NF1: variants seen among roughly 807,000 people sequenced by gnomAD.
NF1 encodes neurofibromin.
Under a neutral mutation model 325.7 loss-of-function variants are expected in NF1, and 122 were observed. That is an observed-to-expected ratio of 0.37 (90% CI 0.32 to 0.44). The LOEUF is 0.44. Ranked by LOEUF, NF1 falls within the 20% of genes least tolerant of loss-of-function variation. The pLI is 1.00. For synonymous variants in NF1, 1,091 were observed against 1,186.0 expected, an observed-to-expected ratio of 0.92 and a Z score of 1.65; for missense variants, 2,140 against 3,415.4, an observed-to-expected ratio of 0.63 and a Z score of 9.31.
At chr17:31,249,812 G>A (rs769405288) in intron 30 of NF1, 1 of 361,954 alleles carries the variant, frequency 2.8e-6, no homozygotes, top group East Asian at 6.1e-5. Context: ...TTATTCCAAG[G>A]GAGGTCCTGC....
At chr17:31,258,652 A>G (rs2067627754) in intron 32 of NF1, 150 bp downstream of exon 32, 1 of 851,454 alleles carries the variant, frequency 1.2e-6, no homozygotes, top group Non-Finnish European at 1.8e-6. Flanking sequence ...ATTACAAAGG[A>G]ATTCATTAGT....
chr17:31,214,853 A>G (rs2066793021), intron 13 of NF1, among the ~76,000 whole-genome samples: 2 of 152,092 alleles, frequency 1.3e-5, no homozygotes, highest in South Asian at 4.1e-4. Context: ...CTTTGATGAG[A>G]TCTCTGTTCT....
intron 4 of NF1, among the ~76,000 whole-genome samples, chr17:31,164,720 A>G (rs374403012): frequency 1.3e-5 from 2 of 152,180 alleles, no homozygotes; most frequent in Non-Finnish European, 2.9e-5. Context: ...GAGTCCTGCA[A>G]TCTTTTTAAT....
At chr17:31,121,088 AT>A (rs750534365) in intron 1 of NF1, among the ~76,000 whole-genome samples, 5 of 152,218 alleles carry the variant, frequency 3.3e-5, no homozygotes, top group Non-Finnish European at 7.3e-5. Context: ...GCGTAATTCA[AT>A]TTCTCTATAA....
chr17:31,163,058 A>T (rs1177220518), intron 3 of NF1, 128 bp from the exon 4 acceptor site: 1 of 793,948 alleles, frequency 1.3e-6, no homozygotes, highest in Non-Finnish European at 2.1e-6. Context: ...AACAGTTGTT[A>T]AATCTAGGTG....
At chr17:31,353,499 C>T (rs114974897) in intron 51 of NF1, among the ~76,000 whole-genome samples, 1,992 of 152,160 alleles carry the variant, frequency 0.013, 50 homozygotes, top group African/African-American at 0.045. Context: ...GGCATGGTGA[C>T]GAGCACCTCT....
chr17:31,356,285 C>A, intron 51 of NF1, 175 bp from the exon 52 acceptor site: 1 of 596,232 alleles, frequency 1.7e-6, no homozygotes, highest in Non-Finnish European at 2.9e-6. Context: ...GGAACAAAAC[C>A]CTTTGAGAAG....
At chr17:31,221,298 G>A (rs2066917120) in intron 14 of NF1, among the ~76,000 whole-genome samples, 1 of 151,972 alleles carries the variant, frequency 6.6e-6, no homozygotes, top group East Asian at 1.9e-4. Flanking sequence ...TCAGTTCTGT[G>A]GTCAATTGAA....
In NF1 at chr17:31,225,259, CTTCTGTACTTT is replaced by C; in HGVS notation, c.2001+17_2001+27del. Reference sequence around the variant, plus strand: ...AAGGGAACTCCTCTATGGTCAGCTTCTTCTGTACTTTTTCTGTATCATTTTATGTGCTCTGT... The same window carrying C: ...AAGGGAACTCCTCTATGGTCAGCTTCTTCTGTATCATTTTATGTGCTCTGT... On this transcript the variant is annotated intron_variant, in intron 17 of 57. Coordinates refer to ENST00000358273, the MANE Select transcript of NF1 (RefSeq NM_001042492.3). 2 of 1,613,036 alleles carry C rather than the reference CTTCTGTACTTT, an allele frequency of 1.2e-6. No homozygotes were observed. Among genetic ancestry groups the C allele is most frequent in the Non-Finnish European group, 1.7e-6 (2 of 1,179,240 alleles).
intron 36 of NF1, among the ~76,000 whole-genome samples, chr17:31,311,079 G>A (rs1458047515): frequency 6.6e-6 from 1 of 151,030 alleles, no homozygotes; most frequent in Non-Finnish European, 1.5e-5. Context: ...CTTCCCTAAA[G>A]AAGTTAGAAA....
At chr17:31,175,939 T>C (rs926469357) in intron 5 of NF1, among the ~76,000 whole-genome samples, 1 of 152,246 alleles carries the variant, frequency 6.6e-6, no homozygotes, top group South Asian at 2.1e-4. Context: ...GCATTTGGAT[T>C]GGTTCCAAGT....
At chr17:31,348,722 T>G (rs147409300) in intron 48 of NF1, among the ~76,000 whole-genome samples, 239 of 112,840 alleles carry the variant, frequency 2.1e-3, no homozygotes, top group African/African-American at 6.1e-3. Flanking sequence ...GGGACATCTT[T>G]TCTTAAAAAA....
At chr17:31,138,461 A>T (rs1915948125) in intron 1 of NF1, 1 of 151,988 alleles carries the variant, frequency 6.6e-6, no homozygotes, top group South Asian at 2.1e-4. Flanking sequence ...ACAAAGTTTC[A>T]CTATGTTGGC....
chr17:31,171,621 T>C (rs1448009419), intron 5 of NF1, among the ~76,000 whole-genome samples: 1 of 152,208 alleles, frequency 6.6e-6, no homozygotes, highest in Non-Finnish European at 1.5e-5. Context: ...AACTTTCCCA[T>C]CGAATGCGGC....
At chr17:31,335,296 A>ATATATATATATATATATATGTAT (rs1440930498) in intron 40 of NF1, among the ~76,000 whole-genome samples, 1 of 50,100 alleles carries the variant, frequency 2.0e-5, no homozygotes, top group Non-Finnish European at 3.2e-5. Flanking sequence ...ATATATATAT[A>ATATATATATATATATATATGTAT]ATTATGCCTT....
At position 31,260,447 on chromosome 17, in the gene NF1, T is replaced by G; in HGVS notation, c.4509T>G (p.Asn1503Lys). 1 of 1,614,072 alleles carries G rather than the reference T, an allele frequency of 6.2e-7. No homozygotes were observed. Among genetic ancestry groups the G allele is most frequent in the Non-Finnish European group, 8.5e-7 (1 of 1,179,970 alleles). ...NHSLSFISDG[N>K]VLALHRLLWN... ...GTCTTTCCTTCATAAGTGACGGCAA[T>G]GTGCTTGCTTTACATCGTCTACTCT... is the stretch of plus-strand genomic sequence containing the variant. The change falls in exon 34 of 58, where the codon AAT becomes AAG. Residue 1503 changes from asparagine to lysine, a missense_variant. Physicochemically the swap from Asn to Lys is moderately conservative, Grantham distance 94. This residue lies in a region of NF1 where 336 missense variants were observed against 399.0 expected (regional missense o/e 0.84). Coordinates refer to ENST00000358273, the MANE Select transcript of NF1 (RefSeq NM_001042492.3).
intron 38 of NF1, among the ~76,000 whole-genome samples, chr17:31,329,005 A>G (rs1401303591): frequency 6.6e-6 from 1 of 152,150 alleles, no homozygotes; most frequent in Non-Finnish European, 1.5e-5. Context: ...ATTCCTGGGA[A>G]TTAGTAAAAG....
chr17:31,130,049 TG>T (rs1459300279), intron 1 of NF1, among the ~76,000 whole-genome samples: 2 of 151,966 alleles, frequency 1.3e-5, no homozygotes, highest in African/African-American at 4.8e-5. Context: ...TGTGGGCTGA[TG>T]TTCCTTCAGT....
rs2151555872 is a variant in NF1 at position 31,337,350 on chromosome 17, T to C, written c.6428-18T>C. 6.3e-7 allele frequency: 1 copy of C among 1,575,862 alleles called. No individual in the cohort carries two copies. The highest frequency in any genetic ancestry group is 8.7e-7 in the Non-Finnish European group (1 of 1,145,750). ...AGTAATATTTTCTGTCTTTACTTGT[T>C]CCTTTATTCTCTTACAGAAGAGACC... On this transcript the variant is annotated intron_variant, in intron 42 of 57. Coordinates refer to ENST00000358273, the MANE Select transcript of NF1 (RefSeq NM_001042492.3).
Sources: allele counts gnomAD v4.1 joint callset (sites outside exome capture counted in the v4.1 genomes callset), GRCh38; gene constraint gnomAD v4.1.1; regional missense constraint gnomAD v4.1.1; transcripts MANE v1.5; gene names NCBI Gene and HGNC (gene_info 2026-07-23, HGNC 2026-07-21).